Variants in ABR observed in about 807,000 individuals in gnomAD.
ABR encodes the protein ABR activator of RhoGEF and GTPase.
In ABR, 35 loss-of-function variants were observed where a neutral mutation model predicts 107.2. The observed-to-expected ratio is 0.33, with a 90% CI of 0.25 to 0.43. ABR has a LOEUF of 0.43. ABR is among the 20% of genes least tolerant of loss of function. The pLI is 1.00. For synonymous variants in ABR, 498 were observed against 462.0 expected (o/e 1.08, Z -1.00); for missense variants, 815 against 1,115.2 (o/e 0.73, Z 3.83).
chr17:1,116,722 T>A (rs1229226492), intron 2 of ABR, among the ~76,000 whole-genome samples: 1 of 110,800 alleles, frequency 9.0e-6, no homozygotes, highest in Non-Finnish European at 1.9e-5. Context: ...AGCCTCAGTG[T>A]CTTCATCTAC....
At chr17:1,161,164 T>C (rs1320155109) in intron 1 of ABR, among the ~76,000 whole-genome samples, 3 of 150,314 alleles carry the variant, frequency 2.0e-5, no homozygotes, top group Admixed American at 6.6e-5. Context: ...GTCCAGTCTT[T>C]TTTTTTTTTC....
chr17:1,005,010 G>C lies in ABR; in HGVS notation c.*1070C>G, dbSNP rs1348512254. ...CTTCGGCCACATCAGTCACCCTCCAGGAAGCCTGGCCCCTCTTGAAAAGCC... is the reference window on the plus strand; with the variant it reads ...CTTCGGCCACATCAGTCACCCTCCACGAAGCCTGGCCCCTCTTGAAAAGCC... On this transcript the variant is annotated 3_prime_UTR_variant, in exon 23 of 23. Transcript: ENST00000302538. The C allele has an allele frequency of 5.0e-6, 2 of 399,080 alleles. No individual in the cohort carries two copies. The highest frequency in any genetic ancestry group is 7.1e-5 in the East Asian group (2 of 28,082). 24.7% of individuals were successfully genotyped at this position (399,080 alleles called of 1,614,324 possible).
At chr17:1,072,815 G>C in intron 7 of ABR, 61 bp from the exon 8 acceptor site, 1 of 1,567,594 alleles carries the variant, frequency 6.4e-7, no homozygotes, top group Middle Eastern at 2.2e-4. Flanking sequence ...TGTGGCCACC[G>C]GGGAGTGCTC....
intron 1 of ABR, among the ~76,000 whole-genome samples, chr17:1,185,288 A>G (rs73277401): frequency 0.066 from 10,061 of 152,010 alleles, 493 homozygotes; most frequent in East Asian, 0.13. Context: ...GCCAAACCCC[A>G]CTTCTTCAAT....
rs1302067444 is a variant in ABR at position 1,070,799 on chromosome 17, T to C, written c.895-709A>G. ...GGGTCGTCCCCATCTGTGCCAGCCTTTCCTGTATGATACACGGTGTGACCT... is the reference window on the plus strand; with the variant it reads ...GGGTCGTCCCCATCTGTGCCAGCCTCTCCTGTATGATACACGGTGTGACCT... On this transcript the variant is annotated intron_variant, in intron 8 of 22. Coordinates refer to ENST00000302538, the MANE Select transcript of ABR (RefSeq NM_021962.5). The surrounding 1 kb of genome is among the most constrained non-coding windows in gnomAD (Gnocchi z 4.2). Among the ~76,000 whole-genome samples the C allele has an allele frequency of 2.0e-5, 3 of 152,172 alleles. No homozygotes were observed. Among genetic ancestry groups the C allele is most frequent in the Non-Finnish European group, 4.4e-5 (3 of 68,020 alleles).
chr17:1,091,333 GGGAGA>G (rs1299353512), intron 4 of ABR, among the ~76,000 whole-genome samples: 1 of 114,484 alleles, frequency 8.7e-6, no homozygotes, highest in Admixed American at 9.6e-5. Context: ...CCCTCCGGGA[GGGAGA>G]AGGAGCACCC....
In ABR at chr17:1,050,286, C is replaced by A; in HGVS notation, c.1660-105G>T. 1.4e-6 allele frequency: 2 copies of A among 1,411,806 alleles called. No homozygotes were observed. Among genetic ancestry groups the A allele is most frequent in the East Asian group, 4.6e-5 (2 of 43,256 alleles). 87.5% of individuals were successfully genotyped at this position (1,411,806 alleles called of 1,614,324 possible). A position where few individuals can be genotyped will look rare whatever the true frequency, so the allele number is the denominator to read the frequency against. ...TGCAAGGAGGAGGGAGTAAGCACGG[C>A]CCACGAAGGACACGTCAGATTTTCT... is the stretch of plus-strand genomic sequence containing the variant. On this transcript the variant is annotated intron_variant, in intron 15 of 22. Coordinates refer to ENST00000302538, the MANE Select transcript of ABR (RefSeq NM_021962.5). This position sits in a 1 kb window ranked among gnomAD's most constrained non-coding sequence, Gnocchi z 4.6.
At chr17:1,190,353 G>C (rs563890917), upstream of ABR, among the ~76,000 whole-genome samples, 17 of 152,264 alleles carry the variant, frequency 1.1e-4, no homozygotes, top group Non-Finnish European at 1.9e-4. Context: ...TTGTTTTTAG[G>C]CCAGGCACGG....
At chr17:1,114,373 G>A (rs904653205) in intron 2 of ABR, among the ~76,000 whole-genome samples, 13 of 151,786 alleles carry the variant, frequency 8.6e-5, no homozygotes, top group Admixed American at 8.5e-4. Flanking sequence ...TGGAGGATGA[G>A]GCACAAGAAT....
intron 1 of ABR, among the ~76,000 whole-genome samples, chr17:1,161,417 A>G (rs1309394081): frequency 3.4e-5 from 3 of 87,126 alleles, no homozygotes; most frequent in Non-Finnish European, 7.1e-5. Flanking sequence ...AATTTTTTAA[A>G]ATTTTTTTTG....
intron 5 of ABR, among the ~76,000 whole-genome samples, chr17:1,081,290 G>T (rs2036220265): frequency 6.6e-6 from 1 of 152,190 alleles, no homozygotes; most frequent in Non-Finnish European, 1.5e-5. Flanking sequence ...TCCCAGGCCG[G>T]TCTTGAACTC....
At chr17:1,091,207 C>T (rs1194267940) in intron 4 of ABR, among the ~76,000 whole-genome samples, 1 of 152,194 alleles carries the variant, frequency 6.6e-6, no homozygotes, top group African/African-American at 2.4e-5. Context: ...GCATGTGCCC[C>T]TCTGTTCACT....
At chr17:1,195,743 G>T (rs1241815824) in intron 1 of ABR, among the ~76,000 whole-genome samples, 10 of 150,044 alleles carry the variant, frequency 6.7e-5, no homozygotes. Context: ...GGCAAAGGTT[G>T]CAGTGAGCCG....
chr17:1,184,986 G>A (rs1039460274), intron 1 of ABR: 1 of 152,208 alleles, frequency 6.6e-6, no homozygotes, highest in Non-Finnish European at 1.5e-5. Context: ...AGCAGATGGC[G>A]ATGCTTGGAA....
rs1470429644 is a variant in ABR at position 1,005,827 on chromosome 17, C to T, written c.*253G>A. 2 of 554,442 alleles carry T rather than the reference C, an allele frequency of 3.6e-6. No individual in the cohort carries two copies. Among genetic ancestry groups the T allele is most frequent in the Non-Finnish European group, 3.2e-6 (1 of 309,442 alleles). 34.3% of individuals were successfully genotyped at this position (554,442 alleles called of 1,614,324 possible). A position where few individuals can be genotyped will look rare whatever the true frequency, so the allele number is the denominator to read the frequency against. ...AAGTGTACATAAAACAATTCCCGAA[C>T]AGCACGGAGCATCAGACACAACTAG... On this transcript the variant is annotated 3_prime_UTR_variant, in exon 23 of 23. Transcript: ENST00000302538.
At position 1,070,534 on chromosome 17, in the gene ABR, C is replaced by T. The variant is rs1447479040; in HGVS notation, c.895-444G>A. On this transcript the variant is annotated intron_variant, in intron 8 of 22. Coordinates refer to ENST00000302538, the MANE Select transcript of ABR (RefSeq NM_021962.5). The surrounding 1 kb of genome is among the most constrained non-coding windows in gnomAD (Gnocchi z 4.2). ...ATCCCCGTTTGCAATCCCTCCCGAC[C>T]GCGGCGGCGAACTTCATCTAGCCCC... Among the ~76,000 whole-genome samples, 3 of 152,178 alleles carry T rather than the reference C, an allele frequency of 2.0e-5. No homozygotes were observed. The highest frequency in any genetic ancestry group is 2.0e-4 in the Admixed American group (3 of 15,286).
In ABR at chr17:1,127,785, CG is replaced by C. The variant is rs927008806; in HGVS notation, c.62-2419del. On this transcript the variant is annotated intron_variant, in intron 1 of 22. Transcript: ENST00000302538. ...CACTTGGGAGATCGTCCAAGATCAA[CG>C]GGGGGGAAGGGACGGTAGGGAAGGT... 2.1e-3 allele frequency among the ~76,000 whole-genome samples: 324 copies of C among 152,170 alleles called. 2 individuals carry two copies. The highest frequency in any genetic ancestry group is 7.5e-3 in the African/African-American group (311 of 41,514).
intron 7 of ABR, 91 bp from the exon 8 acceptor site, chr17:1,072,845 G>A: frequency 6.8e-7 from 1 of 1,473,438 alleles, no homozygotes; most frequent in Non-Finnish European, 9.0e-7. Flanking sequence ...CCAAAGGGTG[G>A]GCACTCAGGG....
intron 9 of ABR, among the ~76,000 whole-genome samples, chr17:1,069,240 G>A (rs1020780044): frequency 2.0e-5 from 3 of 152,108 alleles, no homozygotes; most frequent in Non-Finnish European, 4.4e-5. Context: ...GGCAGGAGTC[G>A]GACCTCATGC....
Sources: gnomAD v4.1 joint callset for allele counts (sites outside exome capture counted in the v4.1 genomes callset) on GRCh38, gnomAD v4.1.1 for gene constraint, Gnocchi (gnomAD v3.1) non-coding constraint, MANE v1.5 for transcripts, NCBI Gene and HGNC (gene_info 2026-07-23, HGNC 2026-07-21) for gene names.